Variants in HIVEP1 observed in about 807,000 individuals in gnomAD.
HIVEP1 encodes the protein zinc finger protein 40.
In HIVEP1, 36 loss-of-function variants were observed where a neutral mutation model predicts 180.0. That is an observed-to-expected ratio of 0.20 (90% confidence interval 0.15 to 0.26). HIVEP1 has a LOEUF of 0.26. Among genes scored for constraint, HIVEP1 ranks in the 10% least tolerant of loss-of-function variants. HIVEP1 has a pLI of 1.00. For missense variants in HIVEP1, 3,143 were observed against 3,268.7 expected (o/e 0.96, Z 0.94); for synonymous variants, 1,239 against 1,239.0 (o/e 1.00, Z 0.00).
At chr6:12,184,007 A>AGAT in the HIVEP1 span, among the ~76,000 whole-genome samples, 2 of 144,506 alleles carry the variant, frequency 1.4e-5, no homozygotes, top group Non-Finnish European at 3.0e-5. Flanking sequence ...ATAGATAGAT[A>AGAT]GATAGATAGA....
At chr6:12,023,125 C>G (rs73724338) in intron 2 of HIVEP1, among the ~76,000 whole-genome samples, 2 of 152,166 alleles carry the variant, frequency 1.3e-5, no homozygotes, top group South Asian at 4.1e-4. Flanking sequence ...GCAGCCATCT[C>G]TCTGTCCCCT....
At chr6:12,026,973 C>T (rs1043793355) in intron 2 of HIVEP1, among the ~76,000 whole-genome samples, 1 of 152,124 alleles carries the variant, frequency 6.6e-6, no homozygotes, top group African/African-American at 2.4e-5. Flanking sequence ...TCAGTAAATC[C>T]TGACTAAATC....
intron 6 of HIVEP1, among the ~76,000 whole-genome samples, chr6:12,135,058 T>A (rs3777773): frequency 0.063 from 9,604 of 152,228 alleles, 359 homozygotes; most frequent in Middle Eastern, 0.15. Flanking sequence ...TTAAAAGGCC[T>A]TATGGGAATC....
At position 12,125,026 on chromosome 6, in the gene HIVEP1, G is replaced by A. The variant is rs202111023; in HGVS notation, c.5231G>A (p.Ser1744Asn). Reference sequence around the variant, plus strand: ...CCTCAACAAGAATCTTCAGCTTCGAGTAAAAGGATGCTTTCCCCAGCAAAT... The same window carrying A: ...CCTCAACAAGAATCTTCAGCTTCGAATAAAAGGATGCTTTCCCCAGCAAAT... The part of the protein sequence containing the change: ...LSPQQESSAS[S>N]KRMLSPANSL... The change falls in exon 4 of 9, where the codon AGT (serine) becomes AAT (asparagine). Residue 1744 changes from serine to asparagine, a missense_variant. Around this residue, in one of 12 missense-constraint regions of HIVEP1, gnomAD observed 1,357 missense variants for 1,260.5 expected, o/e 1.08. Coordinates refer to ENST00000379388, the MANE Select transcript of HIVEP1 (RefSeq NM_002114.4). 725 of 1,614,154 alleles carry A rather than the reference G, an allele frequency of 4.5e-4. 1 individual carries two copies. The highest frequency in any genetic ancestry group is 9.4e-4 in the South Asian group (86 of 91,078).
chr6:12,018,666 A>G (rs1767996694), intron 2 of HIVEP1, among the ~76,000 whole-genome samples: 1 of 152,162 alleles, frequency 6.6e-6, no homozygotes, highest in African/African-American at 2.4e-5. Context: ...AGGGAAGGAA[A>G]GTTAACACCT....
the HIVEP1 span, among the ~76,000 whole-genome samples, chr6:12,184,748 A>G: frequency 6.6e-6 from 1 of 152,238 alleles, no homozygotes; most frequent in Non-Finnish European, 1.5e-5. Flanking sequence ...AATTCCACCA[A>G]TAAAATCAAA....
chr6:12,051,001 CAT>C lies in HIVEP1; in HGVS notation c.40+35362_40+35363del, dbSNP rs1161977899. ...CATGTGTGTAGCAGATACACAAGTGCATATATATATATATATATATATATATA... is the reference window on the plus strand; with the variant it reads ...CATGTGTGTAGCAGATACACAAGTGCATATATATATATATATATATATATA... On this transcript the variant is annotated intron_variant, in intron 2 of 8. Transcript: ENST00000379388. Among the ~76,000 whole-genome samples, 174 of 77,632 alleles carry C rather than the reference CAT, an allele frequency of 2.2e-3. 4 individuals are homozygous for C. Among genetic ancestry groups the C allele is most frequent in the South Asian group, 0.021 (42 of 2,036 alleles). 50.9% of individuals were successfully genotyped at this position (77,632 alleles called of 152,430 possible).
intron 1 of HIVEP1, among the ~76,000 whole-genome samples, chr6:12,014,296 C>T (rs11966634): frequency 6.6e-6 from 1 of 152,148 alleles, no homozygotes; most frequent in Non-Finnish European, 1.5e-5. Context: ...ATCAGCTCCA[C>T]AAAATAAGCA....
At chr6:12,192,546 C>A in the HIVEP1 span, among the ~76,000 whole-genome samples, 8 of 152,222 alleles carry the variant, frequency 5.3e-5, no homozygotes, top group South Asian at 2.1e-4. Flanking sequence ...GGCAGATTTC[C>A]CCCTTGCTGT....
chr6:12,196,163 A>G, the HIVEP1 span, among the ~76,000 whole-genome samples: 1 of 152,224 alleles, frequency 6.6e-6, no homozygotes, highest in East Asian at 1.9e-4. Context: ...GTGACCAGTG[A>G]CTTGGAGAAA....
rs1313211011 is a variant in HIVEP1 at position 12,075,488 on chromosome 6, C to T, written c.41-13696C>T. 2.6e-5 allele frequency among the ~76,000 whole-genome samples: 4 copies of T among 152,104 alleles called. No homozygotes were observed. In the East Asian group the frequency reaches 7.7e-4, roughly 29 times the overall value. On this transcript the variant is annotated intron_variant, in intron 2 of 8. Transcript: ENST00000379388. Reference sequence around the variant, plus strand: ...CCTTTAGCTGCTTCACCTCACTCGTCTTGCACTGTCACATGTCATTTCTTG... The same window carrying T: ...CCTTTAGCTGCTTCACCTCACTCGTTTTGCACTGTCACATGTCATTTCTTG...
rs549702620 is a variant in HIVEP1, at chr6:12,109,499, A to G, written c.95-10391A>G. Among the ~76,000 whole-genome samples, 86 of 152,366 alleles carry G rather than the reference A, an allele frequency of 5.6e-4. No homozygotes were observed. In the South Asian group the frequency reaches 0.018, roughly 31 times the overall value. ...CTTTGTTGTCATTTCAGCAGCGTTT[A>G]CAGCATCTTCACCAGAAATAGATTT... On this transcript the variant is annotated intron_variant, in intron 3 of 8. Transcript: ENST00000379388.
At chr6:12,126,524 G>C (rs1758080274) in intron 4 of HIVEP1, among the ~76,000 whole-genome samples, 1 of 152,176 alleles carries the variant, frequency 6.6e-6, no homozygotes, top group African/African-American at 2.4e-5. Flanking sequence ...AGTCTCATTA[G>C]AATTATCAGC....
At chr6:12,040,981 G>GC (rs1399162895) in intron 2 of HIVEP1, among the ~76,000 whole-genome samples, 3 of 152,170 alleles carry the variant, frequency 2.0e-5, no homozygotes, top group Non-Finnish European at 4.4e-5. Context: ...CCATGATCCA[G>GC]CCCCACCTCC....
intron 7 of HIVEP1, among the ~76,000 whole-genome samples, chr6:12,160,310 A>G (rs1341721319): frequency 6.6e-6 from 1 of 152,246 alleles, no homozygotes; most frequent in African/African-American, 2.4e-5. Flanking sequence ...TAAGAGGCTG[A>G]TACTAACGAC....
At chr6:12,087,134 C>A (rs1773168949) in intron 2 of HIVEP1, among the ~76,000 whole-genome samples, 1 of 152,126 alleles carries the variant, frequency 6.6e-6, no homozygotes, top group Non-Finnish European at 1.5e-5. Flanking sequence ...AATCAGTAGT[C>A]TAAATTTATA....
chr6:12,008,148 C>G (rs1318299937), upstream of HIVEP1: 1 of 152,036 alleles, frequency 6.6e-6, no homozygotes, highest in Non-Finnish European at 1.5e-5. Context: ...AAAAGAAAAT[C>G]AACAGTTACA....
chr6:12,062,733 T>A (rs1285907797), intron 2 of HIVEP1, among the ~76,000 whole-genome samples: 2 of 152,184 alleles, frequency 1.3e-5, no homozygotes, highest in Non-Finnish European at 2.9e-5. Context: ...AGGTTTGGCT[T>A]ATAAGTAACT....
rs1757743287 is a variant in HIVEP1 at position 12,122,547 on chromosome 6, T to A, written c.2752T>A (p.Ser918Thr). Residue 918 changes from serine to threonine, a missense_variant, in exon 4 of 9, where the codon TCC (serine) becomes ACC (threonine). This residue lies in a region of HIVEP1 where 204 missense variants were observed against 243.7 expected (regional missense o/e 0.84). Transcript: ENST00000379388. The stretch of plus-strand genomic sequence containing the variant: ...AAGTCATGTTCTTGGTACTGGACAG[T>A]CCCTGGATGAGAGCCACCAAGGATG... Reference protein sequence around the residue: ...NESHVLGTGQSLDESHQGCHA... With the variant: ...NESHVLGTGQTLDESHQGCHA... 6.2e-7 allele frequency: 1 copy of A among 1,614,132 alleles called. No individual in the cohort carries two copies. Among genetic ancestry groups the A allele is most frequent in the Non-Finnish European group, 8.5e-7 (1 of 1,180,020 alleles).
Sources: gnomAD v4.1 joint callset for allele counts (sites outside exome capture counted in the v4.1 genomes callset) on GRCh38, gnomAD v4.1.1 for gene constraint, gnomAD v4.1.1 regional missense constraint, MANE v1.5 for transcripts, NCBI Gene and HGNC (gene_info 2026-07-23, HGNC 2026-07-21) for gene names.